The following EXOC4 variants were observed in gnomAD, a reference collection of about 807,000 sequenced individuals.
EXOC4 encodes SEC8-like 1.
In EXOC4, 71 loss-of-function variants were observed where a neutral mutation model predicts 107.2. The ratio of observed to expected loss-of-function variants is 0.66; its 90% CI spans 0.55 to 0.81. The LOEUF (loss-of-function observed/expected upper bound fraction) is 0.81. Ranked by LOEUF, EXOC4 falls within the 30% of genes least tolerant of loss-of-function variation. EXOC4 has a pLI of 0.00. For missense variants in EXOC4, 1,108 were observed against 1,189.6 expected, an observed-to-expected ratio of 0.93 and a Z score of 1.01; for synonymous variants, 456 against 441.2, an observed-to-expected ratio of 1.03 and a Z score of -0.42.
chr7:133,305,741 T>G, intron 3 of EXOC4, 136 bp from the exon 4 acceptor site: 1 of 669,782 alleles, frequency 1.5e-6, no homozygotes, highest in Non-Finnish European at 2.4e-6. Flanking sequence ...CATTATACTC[T>G]ACGAAGTCTT....
intron 9 of EXOC4, among the ~76,000 whole-genome samples, chr7:133,610,000 T>C (rs1156449812): frequency 6.6e-6 from 1 of 152,252 alleles, no homozygotes; most frequent in African/African-American, 2.4e-5. Context: ...TCTGTAATCT[T>C]AGTCTTCTAA....
chr7:133,460,682 C>A (rs930315792), intron 7 of EXOC4, among the ~76,000 whole-genome samples: 1 of 152,054 alleles, frequency 6.6e-6, no homozygotes, highest in South Asian at 2.1e-4. Flanking sequence ...GCTCAAGGGA[C>A]ACACACACCC....
At chr7:133,482,781 T>C (rs190879969) in intron 9 of EXOC4, among the ~76,000 whole-genome samples, 16 of 152,364 alleles carry the variant, frequency 1.1e-4, no homozygotes, top group Admixed American at 8.5e-4. Flanking sequence ...TAGTGAATGC[T>C]ATGCCTTTCT....
intron 1 of EXOC4, among the ~76,000 whole-genome samples, chr7:133,266,554 T>C (rs1793734402): frequency 6.6e-6 from 1 of 152,234 alleles, no homozygotes; most frequent in South Asian, 2.1e-4. Flanking sequence ...ACTGCATGCT[T>C]TTCTGGCTTA....
intron 10 of EXOC4, among the ~76,000 whole-genome samples, chr7:133,791,258 A>G (rs1280382912): frequency 6.6e-6 from 1 of 152,224 alleles, no homozygotes; most frequent in African/African-American, 2.4e-5. Context: ...AGTTATTTTT[A>G]GTGTATTTAT....
the EXOC4 span, among the ~76,000 whole-genome samples, chr7:134,093,541 C>G: frequency 6.6e-6 from 1 of 152,056 alleles, no homozygotes; most frequent in African/African-American, 2.4e-5. Flanking sequence ...ACAAAGAAAT[C>G]CTGGACTTAA....
In EXOC4 at chr7:133,425,131, C is replaced by T. The variant is rs184154786; in HGVS notation, c.1182+50129C>T. Among the ~76,000 whole-genome samples, 320 of 152,188 alleles carry T rather than the reference C, an allele frequency of 2.1e-3. 2 individuals carry two copies. The highest frequency in any genetic ancestry group is 2.6e-3 in the Non-Finnish European group (175 of 68,008). On this transcript the variant is annotated intron_variant, in intron 7 of 17. Coordinates refer to ENST00000253861, the MANE Select transcript of EXOC4 (RefSeq NM_021807.4). ...ACTTCAAAGACAGTGAGCTGAGCAG[C>T]CATGGAAGCTTCAGGGGATAGGGAG... is the stretch of plus-strand genomic sequence containing the variant.
At chr7:133,924,437 C>G (rs1169568160) in intron 13 of EXOC4, among the ~76,000 whole-genome samples, 1 of 152,044 alleles carries the variant, frequency 6.6e-6, no homozygotes, top group Non-Finnish European at 1.5e-5. Flanking sequence ...AGCCTCATTC[C>G]AGAAAAGAGA....
chr7:133,707,010 T>C (rs1449157947), intron 10 of EXOC4, among the ~76,000 whole-genome samples: 1 of 151,910 alleles, frequency 6.6e-6, no homozygotes, highest in Non-Finnish European at 1.5e-5. Context: ...GCTTTCACTG[T>C]CTCTATCCCA....
chr7:134,088,760 T>C, the EXOC4 span, among the ~76,000 whole-genome samples: 1 of 152,184 alleles, frequency 6.6e-6, no homozygotes, highest in Non-Finnish European at 1.5e-5. Flanking sequence ...CAAAAGGTTT[T>C]AGGACAGCCA....
chr7:133,607,660 A>T (rs1283532897), intron 9 of EXOC4, among the ~76,000 whole-genome samples: 1 of 152,220 alleles, frequency 6.6e-6, no homozygotes, highest in African/African-American at 2.4e-5. Context: ...GCATTCTGTG[A>T]TCATTCTAAT....
chr7:133,504,936 G>A (rs1187819737), intron 9 of EXOC4, among the ~76,000 whole-genome samples: 1 of 152,076 alleles, frequency 6.6e-6, no homozygotes, highest in Admixed American at 6.6e-5. Context: ...AAAGTAGAGT[G>A]TAGCCCAGTG....
intron 9 of EXOC4, among the ~76,000 whole-genome samples, chr7:133,495,737 T>C (rs1446485701): frequency 2.0e-5 from 3 of 152,224 alleles, no homozygotes; most frequent in African/African-American, 7.2e-5. Context: ...TAATGGACTT[T>C]CATCGTTTCC....
chr7:133,900,223 G>C (rs775508173), intron 12 of EXOC4, among the ~76,000 whole-genome samples: 3 of 152,150 alleles, frequency 2.0e-5, no homozygotes, highest in Non-Finnish European at 2.9e-5. Flanking sequence ...TCTTGGTGAA[G>C]AATAGAAAGG....
intron 7 of EXOC4, among the ~76,000 whole-genome samples, chr7:133,376,608 A>G (rs1355833454): frequency 6.6e-6 from 1 of 152,202 alleles, no homozygotes; most frequent in Non-Finnish European, 1.5e-5. Context: ...CCCTTTGGTC[A>G]GATATGAAGC....
At position 133,593,133 on chromosome 7, in the gene EXOC4, T is replaced by C. The variant is rs190448029; in HGVS notation, c.1418-36912T>C. ...AGTATTTCTTGTCATTCTTGATTTT[T>C]TTGTGAAAGATTGGAGAGCAAAAGT... On this transcript the variant is annotated intron_variant, in intron 9 of 17. Transcript: ENST00000253861. Among the ~76,000 whole-genome samples, 274 of 152,368 alleles carry C rather than the reference T, an allele frequency of 1.8e-3. 1 individual carries two copies. Among genetic ancestry groups the C allele is most frequent in the Middle Eastern group, 3.4e-3 (1 of 294 alleles).
intron 6 of EXOC4, among the ~76,000 whole-genome samples, chr7:133,370,435 G>C (rs1242526477): frequency 6.6e-6 from 1 of 152,124 alleles, no homozygotes; most frequent in African/African-American, 2.4e-5. Flanking sequence ...GTCATAGATA[G>C]ATAGAGACAA....
At chr7:133,683,005 T>C (rs1794220074) in intron 10 of EXOC4, among the ~76,000 whole-genome samples, 1 of 152,172 alleles carries the variant, frequency 6.6e-6, no homozygotes, top group Non-Finnish European at 1.5e-5. Context: ...ATGTTGTCAT[T>C]CTGTGAAAGG....
intron 9 of EXOC4, among the ~76,000 whole-genome samples, chr7:133,507,363 C>G (rs989267992): frequency 6.6e-6 from 1 of 152,132 alleles, no homozygotes; most frequent in African/African-American, 2.4e-5. Flanking sequence ...TGCTTTTCTT[C>G]TTAAAATTCA....
Sources: gnomAD v4.1 joint callset for allele counts (sites outside exome capture counted in the v4.1 genomes callset) on GRCh38, gnomAD v4.1.1 for gene constraint, MANE v1.5 for transcripts, NCBI Gene and HGNC (gene_info 2026-07-23, HGNC 2026-07-21) for gene names.